Variants in UNC5C observed in about 807,000 individuals in gnomAD.
UNC5C encodes the protein unc-5 netrin receptor C, also known as netrin receptor UNC5C.
In UNC5C, 47 loss-of-function variants were observed where a neutral mutation model predicts 99.8. That is an observed-to-expected ratio of 0.47 (90% CI 0.37 to 0.60). The LOEUF (loss-of-function observed/expected upper bound fraction) is 0.60. Among genes scored for constraint, UNC5C ranks in the 20% least tolerant of loss-of-function variants. The probability of loss-of-function intolerance (pLI) is 0.00; values close to 1 mark genes in which losing one functional copy is unlikely to be tolerated. For missense variants in UNC5C, 1,062 were observed against 1,165.9 expected, an observed-to-expected ratio of 0.91 and a Z score of 1.30; for synonymous variants, 487 against 452.2, an observed-to-expected ratio of 1.08 and a Z score of -0.98.
At chr4:95,347,141 G>A (rs2626062) in intron 1 of UNC5C, among the ~76,000 whole-genome samples, 117,982 of 151,918 alleles carry the variant, frequency 0.78, 46,454 homozygotes, top group East Asian at 1. Context: ...TGAAAAAGAA[G>A]TCAAGTAAAT....
At chr4:95,499,176 G>A (rs556617592) in intron 1 of UNC5C, among the ~76,000 whole-genome samples, 11 of 152,178 alleles carry the variant, frequency 7.2e-5, no homozygotes, top group Admixed American at 2.0e-4. Flanking sequence ...TTGGAATCTG[G>A]TTATTCTTCA....
chr4:95,182,302 T>G (rs2149350200), intron 14 of UNC5C, among the ~76,000 whole-genome samples: 1 of 152,310 alleles, frequency 6.6e-6, no homozygotes, highest in African/African-American at 2.4e-5. Flanking sequence ...CTACTTCTAT[T>G]TGTGGCATAT....
intron 5 of UNC5C, among the ~76,000 whole-genome samples, chr4:95,249,599 C>T (rs1458520048): frequency 6.6e-6 from 1 of 152,156 alleles, no homozygotes; most frequent in Non-Finnish European, 1.5e-5. Context: ...GATGAATCTA[C>T]TCATGAAATG....
At chr4:95,480,848 G>A (rs2149477708) in intron 1 of UNC5C, among the ~76,000 whole-genome samples, 1 of 151,864 alleles carries the variant, frequency 6.6e-6, no homozygotes, top group Admixed American at 6.6e-5. Flanking sequence ...AGGTATTGAT[G>A]GGACGTATCT....
intron 7 of UNC5C, among the ~76,000 whole-genome samples, chr4:95,226,447 A>T (rs777622446): frequency 6.6e-6 from 1 of 152,196 alleles, no homozygotes; most frequent in Non-Finnish European, 1.5e-5. Flanking sequence ...AATGACATTG[A>T]TATAATTATG....
chr4:95,388,231 A>C (rs1745264322), intron 1 of UNC5C, among the ~76,000 whole-genome samples: 1 of 152,194 alleles, frequency 6.6e-6, no homozygotes, highest in African/African-American at 2.4e-5. Flanking sequence ...AAACTAGCAA[A>C]TGTACTTCAC....
rs1393539716 is a variant in UNC5C at position 95,365,488 on chromosome 4, T to G, written c.125-29857A>C. Among the ~76,000 whole-genome samples the G allele has an allele frequency of 4.7e-5, 7 of 150,318 alleles. 1 individual carries two copies. The East Asian group carries it at 1.4e-3, about 29-fold the overall frequency. On this transcript the variant is annotated intron_variant, in intron 1 of 15. Transcript: ENST00000453304. ...AAAGATAAATATATATTTTCAAAATTAAAATATATCACTAAAAGTACTACT... is the reference window on the plus strand; with the variant it reads ...AAAGATAAATATATATTTTCAAAATGAAAATATATCACTAAAAGTACTACT...
chr4:95,447,724 C>T (rs1258319121), intron 1 of UNC5C, among the ~76,000 whole-genome samples: 2 of 152,174 alleles, frequency 1.3e-5, no homozygotes, highest in Non-Finnish European at 2.9e-5. Flanking sequence ...TGGTCTCAAA[C>T]TCGTGATCTC....
At chr4:95,237,682 T>C (rs1005349855) in intron 7 of UNC5C, among the ~76,000 whole-genome samples, 2 of 152,102 alleles carry the variant, frequency 1.3e-5, no homozygotes, top group African/African-American at 2.4e-5. Flanking sequence ...TACTTAGGTA[T>C]AATGGGAAAT....
intron 1 of UNC5C, among the ~76,000 whole-genome samples, chr4:95,389,282 A>G (rs112337172): frequency 2.8e-4 from 43 of 152,348 alleles, no homozygotes; most frequent in African/African-American, 9.4e-4. Flanking sequence ...TTATCTTCCC[A>G]TCAGTGCTTA....
intron 1 of UNC5C, among the ~76,000 whole-genome samples, chr4:95,504,839 G>A (rs541390455): frequency 2.0e-5 from 3 of 152,106 alleles, no homozygotes; most frequent in South Asian, 4.1e-4. Context: ...GCCCTATGAT[G>A]TCATTCATTG....
chr4:95,256,699 A>AATATATATATATATATAAATATATATAT lies in UNC5C; in HGVS notation c.595-6033_595-6032insATATATATATTTATATATATATATATAT, dbSNP rs1553958326. Among the ~76,000 whole-genome samples the AATATATATATATATATAAATATATATAT allele has an allele frequency of 5.5e-5, 5 of 90,670 alleles. No individual in the cohort carries two copies. In the South Asian group the frequency reaches 1.5e-3, roughly 28 times the overall value. 59.5% of individuals were successfully genotyped at this position (90,670 alleles called of 152,430 possible). ...TTGTCTAGAGGGACAGAACTAAATA[A>AATATATATATATATATAAATATATATAT]ATATATATATATATATATATATGAG... On this transcript the variant is annotated intron_variant, in intron 4 of 15. Coordinates refer to ENST00000453304, the MANE Select transcript of UNC5C (RefSeq NM_003728.4).
At chr4:95,227,780 A>C (rs1271326348) in intron 7 of UNC5C, among the ~76,000 whole-genome samples, 1 of 152,360 alleles carries the variant, frequency 6.6e-6, no homozygotes, top group East Asian at 1.9e-4. Flanking sequence ...ATTTGGGTCA[A>C]TAAAACTGAC....
chr4:95,518,152 A>G (rs1459142385), intron 1 of UNC5C, among the ~76,000 whole-genome samples: 1 of 152,194 alleles, frequency 6.6e-6, no homozygotes, highest in Non-Finnish European at 1.5e-5. Context: ...TTGCTCCATC[A>G]GAATTCCAGA....
intron 1 of UNC5C, among the ~76,000 whole-genome samples, chr4:95,531,113 A>C (rs564704707): frequency 7.9e-5 from 12 of 152,210 alleles, no homozygotes; most frequent in Non-Finnish European, 1.6e-4. Flanking sequence ...TGGAAGAAAG[A>C]CTAAGTTAAC....
At chr4:95,206,838 G>T in intron 10 of UNC5C, 42 bp from the exon 11 acceptor site, 1 of 1,463,378 alleles carries the variant, frequency 6.8e-7, no homozygotes, top group East Asian at 2.5e-5. Context: ...CATTTCCATT[G>T]TATTCATGAA....
chr4:95,306,658 A>G (rs1415815582), intron 2 of UNC5C, among the ~76,000 whole-genome samples: 1 of 152,164 alleles, frequency 6.6e-6, no homozygotes, highest in East Asian at 1.9e-4. Flanking sequence ...AGACTTAGGT[A>G]TTATGTATGC....
At chr4:95,530,265 A>T (rs1402646672) in intron 1 of UNC5C, among the ~76,000 whole-genome samples, 1 of 152,176 alleles carries the variant, frequency 6.6e-6, no homozygotes, top group Non-Finnish European at 1.5e-5. Context: ...TTTCATAATG[A>T]TAAATATATA....
In UNC5C at chr4:95,219,281, C is replaced by T. The variant is rs757848056; in HGVS notation, c.1333G>A (p.Ala445Thr). The change falls in exon 9 of 16, where the codon GCT becomes ACT. Residue 445 changes from alanine (A) to threonine (T), a missense_variant. By Grantham distance (58) the Ala-to-Thr change is moderately conservative. This residue lies in a region of UNC5C where 810 missense variants were observed against 854.5 expected (regional missense o/e 0.95). Coordinates refer to ENST00000453304, the MANE Select transcript of UNC5C (RefSeq NM_003728.4). The part of the protein sequence containing the change: ...LLAVPPDLTS[A>T]AAMYRGPVYA... The stretch of plus-strand genomic sequence containing the variant: ...ACAGGTCCTCTGTACATGGCTGCAG[C>T]TGACGTGAGGTCTGGGGGTACAGCC... 4 of 1,614,032 alleles carry T rather than the reference C, an allele frequency of 2.5e-6. No homozygotes were observed. The highest frequency in any genetic ancestry group is 1.7e-5 in the Admixed American group (1 of 60,012).
Sources: allele counts gnomAD v4.1 joint callset (sites outside exome capture counted in the v4.1 genomes callset), GRCh38; gene constraint gnomAD v4.1.1; regional missense constraint gnomAD v4.1.1; transcripts MANE v1.5; gene names NCBI Gene and HGNC (gene_info 2026-07-23, HGNC 2026-07-21).